The following ZC3H12B variants were observed in gnomAD, a reference collection of about 807,000 sequenced individuals.
ZC3H12B encodes probable ribonuclease ZC3H12B.
Under a neutral mutation model 43.9 loss-of-function variants are expected in ZC3H12B, and 7 were observed. The ratio of observed to expected loss-of-function variants is 0.16; its 90% CI spans 0.09 to 0.30. The LOEUF (loss-of-function observed/expected upper bound fraction) is 0.30. Ranked by LOEUF, ZC3H12B falls within the 10% of genes least tolerant of loss-of-function variation. ZC3H12B has a pLI of 1.00. For synonymous variants in ZC3H12B, 222 were observed against 241.7 expected (o/e 0.92, Z 0.76); for missense variants, 475 against 670.2 (o/e 0.71, Z 3.22).
the ZC3H12B span, among the ~76,000 whole-genome samples, chrX:65,281,455 G>C: frequency 9.0e-6 from 1 of 110,942 alleles, no homozygotes; most frequent in Non-Finnish European, 1.9e-5. Context: ...TGAACTCCTG[G>C]CCTCAAGCAT....
At chrX:65,385,209 G>C (rs1386073511) in intron 2 of ZC3H12B, among the ~76,000 whole-genome samples, 1 of 112,121 alleles carries the variant, frequency 8.9e-6, no homozygotes, top group Non-Finnish European at 1.9e-5. Flanking sequence ...GCACGATGGG[G>C]ATGGCATTGA....
the ZC3H12B span, among the ~76,000 whole-genome samples, chrX:65,074,334 T>G: frequency 9.0e-6 from 1 of 111,267 alleles, no homozygotes; most frequent in Non-Finnish European, 1.9e-5. Context: ...TTTCTGCTGA[T>G]AAATCTACTG....
the ZC3H12B span, among the ~76,000 whole-genome samples, chrX:65,119,609 T>C: frequency 9.0e-6 from 1 of 111,580 alleles, no homozygotes; most frequent in Non-Finnish European, 1.9e-5. Flanking sequence ...CTGCTCACCC[T>C]GATGATAGTT....
chrX:65,165,560 TGTTA>T, the ZC3H12B span, among the ~76,000 whole-genome samples: 6 of 112,134 alleles, frequency 5.4e-5, no homozygotes, highest in African/African-American at 1.3e-4. Context: ...TTAGTTTGTT[TGTTA>T]GTTTGTTAAG....
chrX:65,143,506 A>G, the ZC3H12B span, among the ~76,000 whole-genome samples: 1 of 108,346 alleles, frequency 9.2e-6, no homozygotes, highest in Non-Finnish European at 1.9e-5. Flanking sequence ...TGACTTGTGT[A>G]TGTTAAACCA....
At chrX:65,160,676 G>T in the ZC3H12B span, among the ~76,000 whole-genome samples, 2 of 111,067 alleles carry the variant, frequency 1.8e-5, no homozygotes, top group East Asian at 2.8e-4. Context: ...TCTTGCTAAT[G>T]GTGTATCAAT....
At chrX:65,491,637 G>T (rs2068204196) in intron 1 of ZC3H12B, among the ~76,000 whole-genome samples, 1 of 106,979 alleles carries the variant, frequency 9.3e-6, no homozygotes, top group Non-Finnish European at 1.9e-5. Context: ...AGCTCGGGAG[G>T]TCAAGGCTAC....
At chrX:65,293,512 G>T in the ZC3H12B span, among the ~76,000 whole-genome samples, 1 of 109,234 alleles carries the variant, frequency 9.2e-6, no homozygotes, top group South Asian at 4.1e-4. Context: ...ATAAATTTCT[G>T]AATTGCCAGA....
intron 3 of ZC3H12B, among the ~76,000 whole-genome samples, chrX:65,452,841 AACACAC>A (rs111853414): frequency 5.7e-4 from 53 of 92,197 alleles, no homozygotes; most frequent in South Asian, 2.5e-3. Flanking sequence ...ACTCCATCTA[AACACAC>A]ACACACACAC....
chrX:65,387,469 C>A (rs142654145), intron 2 of ZC3H12B, among the ~76,000 whole-genome samples: 397 of 111,483 alleles, frequency 3.6e-3, no homozygotes, highest in African/African-American at 0.012. Context: ...TAACCCCTGC[C>A]TTTTTCTGTT....
chrX:65,131,557 A>C, the ZC3H12B span, among the ~76,000 whole-genome samples: 3 of 111,335 alleles, frequency 2.7e-5, no homozygotes, highest in African/African-American at 9.8e-5. Flanking sequence ...ACAGAACAGA[A>C]AGAGGAGTGG....
At chrX:65,234,404 T>C in the ZC3H12B span, among the ~76,000 whole-genome samples, 1 of 111,747 alleles carries the variant, frequency 8.9e-6, no homozygotes, top group African/African-American at 3.2e-5. Flanking sequence ...ACTAGTATCA[T>C]ACCGAATGGG....
the ZC3H12B span, among the ~76,000 whole-genome samples, chrX:65,295,614 A>T: frequency 9.0e-6 from 1 of 111,681 alleles, no homozygotes; most frequent in African/African-American, 3.2e-5. Flanking sequence ...ATAAAACAAA[A>T]AGCTGGTTCT....
chrX:65,116,273 C>T, the ZC3H12B span, among the ~76,000 whole-genome samples: 1 of 111,512 alleles, frequency 9.0e-6, no homozygotes, highest in Non-Finnish European at 1.9e-5. Context: ...TATAGCTTGC[C>T]AATTATCCCA....
At chrX:65,472,792 C>T (rs189176506) in intron 3 of ZC3H12B, among the ~76,000 whole-genome samples, 17 of 72,653 alleles carry the variant, frequency 2.3e-4, no homozygotes, top group East Asian at 1.3e-3. Flanking sequence ...TGTTTTTATG[C>T]TTGTACCATA....
chrX:65,408,500 C>A, intron 3 of ZC3H12B: 2 of 1,210,595 alleles, frequency 1.7e-6, no homozygotes, highest in Non-Finnish European at 1.1e-6. Context: ...CCACGGACCC[C>A]CAGTTCCCCT....
the ZC3H12B span, among the ~76,000 whole-genome samples, chrX:65,043,304 A>G: frequency 1.8e-5 from 2 of 111,085 alleles, no homozygotes; most frequent in Non-Finnish European, 3.8e-5. Flanking sequence ...TCTTAAAAAA[A>G]AGCAAAGTAG....
At chrX:65,152,206 A>C in the ZC3H12B span, among the ~76,000 whole-genome samples, 1 of 111,500 alleles carries the variant, frequency 9.0e-6, no homozygotes, top group East Asian at 2.8e-4. Context: ...ACTCCTACTC[A>C]ACATAGTGTT....
chrX:65,458,396 C>G (rs1273692919), intron 3 of ZC3H12B, among the ~76,000 whole-genome samples: 1 of 111,545 alleles, frequency 9.0e-6, no homozygotes, highest in African/African-American at 3.3e-5. Flanking sequence ...CCCAAATCAA[C>G]AGAATATACA....
Sources: gnomAD v4.1 joint callset for allele counts (sites outside exome capture counted in the v4.1 genomes callset) on GRCh38, gnomAD v4.1.1 for gene constraint, MANE v1.5 for transcripts, NCBI Gene and HGNC (gene_info 2026-07-23, HGNC 2026-07-21) for gene names.